Variants in ANKFN1 observed in about 807,000 individuals in gnomAD.
The protein encoded by ANKFN1 is ankyrin repeat and fibronectin type-III domain-containing protein 1.
A neutral mutation model predicts 108.7 loss-of-function variants in ANKFN1; 74 were observed. The observed-to-expected ratio is 0.68, with a 90% confidence interval of 0.56 to 0.83. ANKFN1 has a LOEUF of 0.83. Among genes scored for constraint, ANKFN1 ranks in the 40% least tolerant of loss-of-function variants. The probability of loss-of-function intolerance (pLI) is 0.00; values close to 1 mark genes in which losing one functional copy is unlikely to be tolerated. For missense variants in ANKFN1, 1,505 were observed against 1,382.3 expected (o/e 1.09, Z -1.41); for synonymous variants, 547 against 516.2 (o/e 1.06, Z -0.81).
In ANKFN1 at chr17:56,511,347, C is replaced by T. The variant is rs2051765253; in HGVS notation, c.*78C>T. On this transcript the variant is annotated 3_prime_UTR_variant, in exon 21 of 21. Coordinates refer to ENST00000682825, the MANE Select transcript of ANKFN1 (RefSeq NM_001370326.1). ...TCACCCTTACCCCCATCCTGCCCCA[C>T]TGTGTACCCACTCATTTTCAAGCGT... is the stretch of plus-strand genomic sequence containing the variant. 7.7e-7 allele frequency: 1 copy of T among 1,303,718 alleles called. No individual in the cohort carries two copies. The highest frequency in any genetic ancestry group is 2.8e-5 in the Admixed American group (1 of 36,004). 80.8% of individuals were successfully genotyped at this position (1,303,718 alleles called of 1,614,324 possible).
chr17:56,380,781 G>A (rs2047077230), intron 8 of ANKFN1, among the ~76,000 whole-genome samples: 2 of 152,226 alleles, frequency 1.3e-5, no homozygotes, highest in South Asian at 4.1e-4. Flanking sequence ...AAAGCAGCCG[G>A]GAAGTTCGAA....
Position 56,303,851 on chromosome 17 carries a change from A to ATTT in ANKFN1, c.54-22354_54-22352dup, listed in dbSNP as rs34077118. On this transcript the variant is annotated intron_variant, in intron 3 of 20. Transcript: ENST00000682825. ...AGGTGCACACCACCACGCTGAGCCA[A>ATTT]TTTTTTTTTTTTTTTTTTGTAATTT... Among the ~76,000 whole-genome samples the ATTT allele has an allele frequency of 7.1e-3, 933 of 131,906 alleles. 13 individuals carry two copies. The highest frequency in any genetic ancestry group is 0.025 in the African/African-American group (864 of 34,110). The allele number at this position is 131,906 out of a possible 152,430, so 86.5% of individuals were successfully genotyped here.
intron 2 of ANKFN1, among the ~76,000 whole-genome samples, chr17:56,222,173 G>A (rs1002020572): frequency 5.9e-5 from 9 of 152,274 alleles, no homozygotes; most frequent in African/African-American, 7.2e-5. Flanking sequence ...TGTGTAACAC[G>A]AAGAGACTTG....
chr17:56,126,456 A>C, intron 4 of ANKFN1, among the ~76,000 whole-genome samples: 1 of 152,048 alleles, frequency 6.6e-6, no homozygotes, highest in East Asian at 1.9e-4. Context: ...CATATGTTCC[A>C]ATTTTTATTG....
intron 4 of ANKFN1, among the ~76,000 whole-genome samples, chr17:56,147,001 A>T (rs1467759487): frequency 9.9e-5 from 15 of 152,202 alleles, no homozygotes; most frequent in East Asian, 1.9e-4. Context: ...ACCCTAAAAC[A>T]TCTCTCTCAA....
intron 4 of ANKFN1, among the ~76,000 whole-genome samples, chr17:56,061,275 T>TTC (rs1904972165): frequency 1.5e-5 from 2 of 134,518 alleles, no homozygotes; most frequent in African/African-American, 5.7e-5. Flanking sequence ...CTTTTTTTTT[T>TTC]TTTTTTTTTT....
chr17:56,098,152 G>C (rs952334979), intron 4 of ANKFN1, among the ~76,000 whole-genome samples: 1 of 152,090 alleles, frequency 6.6e-6, no homozygotes, highest in African/African-American at 2.4e-5. Flanking sequence ...GCTGACAGCT[G>C]CCAGAAGCTG....
chr17:56,301,701 G>T (rs368869085), intron 3 of ANKFN1, among the ~76,000 whole-genome samples: 4 of 152,308 alleles, frequency 2.6e-5, no homozygotes, highest in African/African-American at 9.6e-5. Context: ...TTATAATAGA[G>T]ATAGAATGGT....
chr17:56,296,897 A>C (rs1202348771), intron 3 of ANKFN1, among the ~76,000 whole-genome samples: 1 of 152,166 alleles, frequency 6.6e-6, no homozygotes, highest in Non-Finnish European at 1.5e-5. Flanking sequence ...ATACCCACAC[A>C]TAGCATGCTT....
chr17:56,174,470 G>A (rs1029047351), intron 1 of ANKFN1: 27 of 953,118 alleles, frequency 2.8e-5, no homozygotes, highest in Non-Finnish European at 3.4e-5. Context: ...GGCTAGACCT[G>A]GTGCAATTAC....
chr17:56,189,179 T>TTTTTTTTTTTTTTTG (rs1244013476), intron 1 of ANKFN1, among the ~76,000 whole-genome samples: 1 of 111,376 alleles, frequency 9.0e-6, no homozygotes, highest in Non-Finnish European at 1.7e-5. Context: ...ACTTTTTTTT[T>TTTTTTTTTTTTTTTG]TTTTTTTTTG....
chr17:56,297,436 A>C (rs112352326), intron 3 of ANKFN1, among the ~76,000 whole-genome samples: 5 of 152,222 alleles, frequency 3.3e-5, no homozygotes, highest in African/African-American at 9.6e-5. Context: ...TCTGCTCACC[A>C]AGAGCTTCAA....
At position 56,118,814 on chromosome 17, in the gene ANKFN1, C is replaced by T. The variant is rs188664845; in HGVS notation, c.288+72489C>T. On this transcript the variant is annotated intron_variant, in intron 4 of 12. Coordinates refer to the ANKFN1 transcript ENST00000635860. ...CATACCGTGTAGTTTACCAAGTTGA[C>T]TGTTATGAGCAAAAGAGATTTGGTC... Among the ~76,000 whole-genome samples, 12 of 152,202 alleles carry T rather than the reference C, an allele frequency of 7.9e-5. No homozygotes were observed. In the East Asian group the frequency reaches 2.3e-3, roughly 29 times the overall value.
intron 2 of ANKFN1, among the ~76,000 whole-genome samples, chr17:56,226,564 A>T (rs1916290100): frequency 6.6e-6 from 1 of 152,150 alleles, no homozygotes; most frequent in Non-Finnish European, 1.5e-5. Flanking sequence ...ATTTGGGACA[A>T]GGATATAGCT....
intron 3 of ANKFN1, among the ~76,000 whole-genome samples, chr17:56,313,877 A>T (rs758326804): frequency 2.6e-5 from 4 of 152,222 alleles, no homozygotes; most frequent in African/African-American, 4.8e-5. Context: ...CAAGATACAG[A>T]ACATTTCCAA....
intron 4 of ANKFN1, among the ~76,000 whole-genome samples, chr17:56,136,109 C>G (rs903795848): frequency 9.9e-5 from 15 of 152,134 alleles, no homozygotes; most frequent in Admixed American, 3.9e-4. Flanking sequence ...AGAGTTTGAC[C>G]TGTGCCATCC....
chr17:56,110,836 G>C (rs1905920967), intron 4 of ANKFN1: 1 of 152,254 alleles, frequency 6.6e-6, no homozygotes, highest in African/African-American at 2.4e-5. Context: ...GACACTCCTA[G>C]CAGAAGGTAT....
At chr17:56,404,810 G>C (rs2047868929) in intron 8 of ANKFN1, among the ~76,000 whole-genome samples, 1 of 152,132 alleles carries the variant, frequency 6.6e-6, no homozygotes, top group Non-Finnish European at 1.5e-5. Context: ...GAAAGTCTAG[G>C]GCTGAAGGCT....
At chr17:56,049,820 T>G (rs1448446226) in intron 4 of ANKFN1, among the ~76,000 whole-genome samples, 5 of 149,362 alleles carry the variant, frequency 3.3e-5, no homozygotes, top group Non-Finnish European at 6.0e-5. Context: ...GTTCCAAGTC[T>G]TTGCTATTGT....
Sources: gnomAD v4.1 joint callset for allele counts (sites outside exome capture counted in the v4.1 genomes callset) on GRCh38, gnomAD v4.1.1 for gene constraint, MANE v1.5 for transcripts, NCBI Gene and HGNC (gene_info 2026-07-23, HGNC 2026-07-21) for gene names.